REV1: variants seen among roughly 807,000 people sequenced by gnomAD.
REV1 encodes REV1 DNA directed polymerase.
A neutral mutation model predicts 137.4 loss-of-function variants in REV1; 42 were observed. The ratio of observed to expected loss-of-function variants is 0.31; its 90% CI spans 0.24 to 0.40. The LOEUF is 0.40. Among genes scored for constraint, REV1 ranks in the 10% least tolerant of loss-of-function variants. REV1 has a pLI of 1.00. For missense variants in REV1, 1,282 were observed against 1,490.1 expected (o/e 0.86, Z 2.30); for synonymous variants, 524 against 519.2 (o/e 1.01, Z -0.12).
intron 1 of REV1, among the ~76,000 whole-genome samples, chr2:99,475,909 A>C (rs1344020006): frequency 2.0e-5 from 3 of 152,178 alleles, no homozygotes; most frequent in Admixed American, 6.5e-5. Context: ...CTTGAACCTA[A>C]GAGGCGGAGG....
chr2:99,479,495 C>G (rs569655066), intron 1 of REV1, among the ~76,000 whole-genome samples: 1 of 151,984 alleles, frequency 6.6e-6, no homozygotes, highest in Non-Finnish European at 1.5e-5. Context: ...GAATAAACCA[C>G]AATCCAAGGT....
At chr2:99,418,557 A>C (rs549834787) in intron 12 of REV1, among the ~76,000 whole-genome samples, 15 of 152,328 alleles carry the variant, frequency 9.8e-5, no homozygotes, top group African/African-American at 3.4e-4. Context: ...CCTCCCTTTT[A>C]ACATTGTTTC....
chr2:99,489,085 AAC>A (rs1402507003), intron 1 of REV1, among the ~76,000 whole-genome samples: 3 of 152,342 alleles, frequency 2.0e-5, no homozygotes, highest in African/African-American at 4.8e-5. Context: ...AGAGCAGCGA[AAC>A]ACAGCGCGGC....
intron 1 of REV1, among the ~76,000 whole-genome samples, chr2:99,475,300 A>G (rs994646675): frequency 4.6e-5 from 7 of 152,196 alleles, no homozygotes; most frequent in Non-Finnish European, 7.3e-5. Context: ...TAAAAGAGGC[A>G]AAGGTGGAGG....
chr2:99,433,649 T>C (rs574472236), intron 8 of REV1, among the ~76,000 whole-genome samples: 2 of 152,296 alleles, frequency 1.3e-5, no homozygotes, highest in East Asian at 3.9e-4. Flanking sequence ...GGTAATATAT[T>C]TCTGAGAAAC....
intron 13 of REV1, among the ~76,000 whole-genome samples, chr2:99,412,189 C>T (rs28382943): frequency 6.8e-5 from 10 of 146,852 alleles, no homozygotes; most frequent in East Asian, 2.1e-4. Flanking sequence ...GCCGAGACTG[C>T]GCCACTGCAC....
At chr2:99,480,931 G>A (rs796844584) in intron 1 of REV1, among the ~76,000 whole-genome samples, 3 of 152,162 alleles carry the variant, frequency 2.0e-5, no homozygotes, top group African/African-American at 7.2e-5. Context: ...TAACAATTTA[G>A]CACACTATAA....
intron 13 of REV1, among the ~76,000 whole-genome samples, chr2:99,412,357 A>T (rs1677293726): frequency 6.6e-6 from 1 of 152,052 alleles, no homozygotes; most frequent in Non-Finnish European, 1.5e-5. Flanking sequence ...AAAAGCTTGC[A>T]TAAGGAGGGG....
In REV1 at chr2:99,405,939, G is replaced by T. The variant is rs759607715; in HGVS notation, c.2782C>A (p.Leu928Met). 1 of 1,603,004 alleles carries T rather than the reference G, an allele frequency of 6.2e-7. No individual in the cohort carries two copies. Among genetic ancestry groups the T allele is most frequent in the East Asian group, 2.2e-5 (1 of 44,624 alleles). The part of the protein sequence containing the change: ...TPVSVQSRLN[L>M]SIEVPSPSQL... ...GAAGGTGACGGGACCTCTATACTCA[G>T]GTTAAGTCTCGACTGCACACTGACA... Residue 928 changes from leucine (L) to methionine (M), a missense_variant, in exon 17 of 23, where the codon CTG (leucine) becomes ATG (methionine). Physicochemically the swap from Leu to Met is conservative, Grantham distance 15 (BLOSUM62 2). Coordinates refer to ENST00000258428, the MANE Select transcript of REV1 (RefSeq NM_016316.4).
rs528437800 is a variant in REV1, at chr2:99,483,821, C to T, written c.-11+5996G>A. On this transcript the variant is annotated intron_variant, in intron 1 of 22. Transcript: ENST00000258428. ...TGGCCTTGGGGGGAAAACCTAGGGT[C>T]TCATCTTATTTCTCCTCTTTAGCAG... is the stretch of plus-strand genomic sequence containing the variant. Among the ~76,000 whole-genome samples the T allele has an allele frequency of 3.3e-5, 5 of 152,184 alleles. No homozygotes were observed. The South Asian group carries it at 1.0e-3, about 32-fold the overall frequency.
intron 3 of REV1, among the ~76,000 whole-genome samples, chr2:99,452,143 A>G (rs1683000494): frequency 6.6e-6 from 1 of 152,106 alleles, no homozygotes. Flanking sequence ...AAAAATTGGG[A>G]GCCAAGCACA....
rs927449749 is a variant in REV1, at chr2:99,409,865, C to A, written c.2345+830G>T. 4.9e-4 allele frequency among the ~76,000 whole-genome samples: 54 copies of A among 111,116 alleles called. 1 individual carries two copies. Among genetic ancestry groups the A allele is most frequent in the African/African-American group, 1.3e-3 (42 of 32,902 alleles). The allele number at this position is 111,116 out of a possible 152,430, so 72.9% of individuals were successfully genotyped here. A position where few individuals can be genotyped will look rare whatever the true frequency, so the allele number is the denominator to read the frequency against. ...CTCAAAACAAACAACCCCCCCCCCCCCCAAAAAAAACAGCGTTTTTAAATG... is the reference window on the plus strand; with the variant it reads ...CTCAAAACAAACAACCCCCCCCCCCACCAAAAAAAACAGCGTTTTTAAATG... On this transcript the variant is annotated intron_variant, in intron 14 of 22. Transcript: ENST00000258428.
chr2:99,449,009 C>T (rs1292729066), intron 4 of REV1, among the ~76,000 whole-genome samples: 3 of 152,116 alleles, frequency 2.0e-5, no homozygotes, highest in African/African-American at 7.2e-5. Context: ...AATAGAAAGG[C>T]CATGCGCAGT....
At chr2:99,402,612 G>C in intron 21 of REV1, 32 bp downstream of exon 21, 1 of 1,600,222 alleles carries the variant, frequency 6.2e-7, no homozygotes, top group Admixed American at 1.7e-5. Flanking sequence ...CTACATCTCA[G>C]CCTTGGGCCA....
At chr2:99,475,603 C>CT in intron 1 of REV1, among the ~76,000 whole-genome samples, 1 of 152,132 alleles carries the variant, frequency 6.6e-6, no homozygotes, top group East Asian at 1.9e-4. Context: ...TGATTCTGCG[C>CT]TTGAACCCAG....
chr2:99,442,263 A>AC lies in REV1; in HGVS notation c.503+53_503+54insG. On this transcript the variant is annotated intron_variant, in intron 5 of 22. Transcript: ENST00000258428. ...GCAAAACTCCATCTCAAAAAAAAAAAAAAAAAAAAAAAACCAACCAGCTTT... is the reference window on the plus strand; with the variant it reads ...GCAAAACTCCATCTCAAAAAAAAAAACAAAAAAAAAAAAACCAACCAGCTTT... 1.0e-5 allele frequency: 14 copies of AC among 1,347,532 alleles called. No individual in the cohort carries two copies. The East Asian group carries it at 2.1e-4, about 20-fold the overall frequency. The allele number at this position is 1,347,532 out of a possible 1,614,324, so 83.5% of individuals were successfully genotyped here.
At chr2:99,416,918 A>C (rs1677952395) in intron 12 of REV1, among the ~76,000 whole-genome samples, 2 of 90,696 alleles carry the variant, frequency 2.2e-5, no homozygotes. Context: ...ATCTCAAAAA[A>C]AAAAAAAAAA....
Position 99,402,342 on chromosome 2 carries a change from T to C in REV1, c.3546A>G (p.Pro1182=). The C allele has an allele frequency of 6.7e-7, 1 of 1,484,050 alleles. No individual in the cohort carries two copies. The highest frequency in any genetic ancestry group is 9.3e-7 in the Non-Finnish European group (1 of 1,074,494). 91.9% of individuals were successfully genotyped at this position (1,484,050 alleles called of 1,614,324 possible). The change falls in exon 22 of 23, where the codon CCA becomes CCG. Residue 1182 remains proline (P), a synonymous_variant. Coordinates refer to ENST00000258428, the MANE Select transcript of REV1 (RefSeq NM_016316.4). The part of the protein sequence containing the change: ...LREWITTISD[P]MEEDILQVVK... ...CAACTTGGAGAATGTCTTCTTCCAT[T>C]GGATCTAGGAAGGGGGAAAAACTTC...
At chr2:99,449,749 A>T (rs1265024024) in intron 3 of REV1, among the ~76,000 whole-genome samples, 1 of 139,256 alleles carries the variant, frequency 7.2e-6, no homozygotes, top group African/African-American at 2.6e-5. Flanking sequence ...AGTGCCTAGC[A>T]GAGCAAATAG....
Sources: gnomAD v4.1 joint callset for allele counts (sites outside exome capture counted in the v4.1 genomes callset) on GRCh38, gnomAD v4.1.1 for gene constraint, MANE v1.5 for transcripts, NCBI Gene and HGNC (gene_info 2026-07-23, HGNC 2026-07-21) for gene names.